CSMD1: variants seen among roughly 807,000 people sequenced by gnomAD.
CSMD1 encodes CUB and sushi domain-containing protein 1.
In CSMD1, 213 loss-of-function variants were observed where a neutral mutation model predicts 417.5. The ratio of observed to expected loss-of-function variants is 0.51; its 90% CI spans 0.46 to 0.57. The LOEUF (loss-of-function observed/expected upper bound fraction) is 0.57. Ranked by LOEUF, CSMD1 falls within the 20% of genes least tolerant of loss-of-function variation. The pLI is 0.00. For synonymous variants in CSMD1, 2,862 were observed against 1,736.8 expected (o/e 1.65, Z -16.11); for missense variants, 6,923 against 4,529.7 (o/e 1.53, Z -15.17).
At chr8:3,915,764 T>G (rs915162548) in intron 5 of CSMD1, among the ~76,000 whole-genome samples, 3 of 149,930 alleles carry the variant, frequency 2.0e-5, no homozygotes, top group Non-Finnish European at 4.4e-5. Flanking sequence ...CGCTTTCCAT[T>G]GCATCTGTTC....
intron 4 of CSMD1, among the ~76,000 whole-genome samples, chr8:4,018,920 A>C (rs921541226): frequency 6.6e-6 from 1 of 152,226 alleles, no homozygotes; most frequent in African/African-American, 2.4e-5. Context: ...ATGAAAGTTA[A>C]TAACAAGAAC....
chr8:4,622,454 C>A (rs527287687), intron 2 of CSMD1, among the ~76,000 whole-genome samples: 1 of 152,172 alleles, frequency 6.6e-6, no homozygotes, highest in South Asian at 2.1e-4. Flanking sequence ...TCACTGGATA[C>A]CCTGCACAAT....
chr8:3,050,811 G>C (rs1052877519), intron 50 of CSMD1, among the ~76,000 whole-genome samples: 1 of 152,146 alleles, frequency 6.6e-6, no homozygotes, highest in Non-Finnish European at 1.5e-5. Context: ...ATATAAGTTA[G>C]TTTAAAATTT....
At chr8:4,857,100 G>T (rs1263539372) in intron 1 of CSMD1, among the ~76,000 whole-genome samples, 1 of 150,266 alleles carries the variant, frequency 6.7e-6, no homozygotes, top group African/African-American at 2.5e-5. Flanking sequence ...CTAGAATTCA[G>T]GATTAAGAAT....
At chr8:4,172,077 G>T (rs1797794270) in intron 3 of CSMD1, among the ~76,000 whole-genome samples, 1 of 151,860 alleles carries the variant, frequency 6.6e-6, no homozygotes, top group South Asian at 2.1e-4. Context: ...CTTTCTCAGG[G>T]GAAGGCGTAT....
At chr8:3,433,311 T>G (rs1297913329) in intron 12 of CSMD1, among the ~76,000 whole-genome samples, 2 of 152,238 alleles carry the variant, frequency 1.3e-5, no homozygotes, top group Non-Finnish European at 2.9e-5. Flanking sequence ...TTTGATTTCC[T>G]TGACAGGGAC....
intron 3 of CSMD1, among the ~76,000 whole-genome samples, chr8:4,157,635 C>A (rs963432809): frequency 6.6e-6 from 1 of 152,198 alleles, no homozygotes; most frequent in Non-Finnish European, 1.5e-5. Context: ...ATTTTCAGAA[C>A]AGCTCAGACC....
intron 1 of CSMD1, among the ~76,000 whole-genome samples, chr8:4,757,737 T>A (rs1233736010): frequency 6.6e-6 from 1 of 151,968 alleles, no homozygotes; most frequent in Non-Finnish European, 1.5e-5. Context: ...GGCAAGCAGA[T>A]CACTTGAGGC....
chr8:4,088,931 G>C (rs531345724), intron 3 of CSMD1, among the ~76,000 whole-genome samples: 54 of 152,236 alleles, frequency 3.5e-4, no homozygotes, highest in African/African-American at 1.2e-3. Flanking sequence ...GCACTCCCCT[G>C]CCAAGGTCTT....
chr8:3,175,327 T>A (rs561160613), intron 37 of CSMD1, among the ~76,000 whole-genome samples: 2 of 152,312 alleles, frequency 1.3e-5, no homozygotes, highest in African/African-American at 4.8e-5. Context: ...TAACCACAAA[T>A]CACTGATTCA....
chr8:3,361,425 G>C (rs1402737042), intron 20 of CSMD1, among the ~76,000 whole-genome samples: 2 of 151,838 alleles, frequency 1.3e-5, no homozygotes, highest in South Asian at 4.1e-4. Flanking sequence ...TCAGGAGTTT[G>C]AGACCAGACT....
chr8:4,190,279 G>C (rs1647310), intron 3 of CSMD1, among the ~76,000 whole-genome samples: 21,084 of 141,984 alleles, frequency 0.15, 1,712 homozygotes, highest in Middle Eastern at 0.24. Context: ...AAAAAAAGCA[G>C]AGACTCTGGG....
At position 3,219,361 on chromosome 8, in the gene CSMD1, C is replaced by G; in HGVS notation, c.4566G>C (p.Gln1522His). 1 of 1,572,558 alleles carries G rather than the reference C, an allele frequency of 6.4e-7. No homozygotes were observed. The highest frequency in any genetic ancestry group is 8.6e-7 in the Non-Finnish European group (1 of 1,158,058). The change falls in exon 29 of 70, where the codon CAG becomes CAC. Residue 1522 changes from glutamine to histidine, a missense_variant. Physicochemically the swap from Gln to His is conservative, Grantham distance 24. Transcript: ENST00000635120. Reference protein sequence around the residue: ...DSNSPLIGSYQGSQAPERIES... With the variant: ...DSNSPLIGSYHGSQAPERIES... ...CTATTCTTTCTGGGGCCTGAGAGCC[C>G]TGGTAACTCCCAATGAGGGGGCTGT...
chr8:3,104,282 T>C (rs1050246554), intron 46 of CSMD1, among the ~76,000 whole-genome samples: 46 of 152,194 alleles, frequency 3.0e-4, no homozygotes, highest in Admixed American at 1.1e-3. Context: ...AAATAGACCA[T>C]TGTTGCTCCT....
chr8:4,092,929 A>C (rs1800796144), intron 3 of CSMD1, among the ~76,000 whole-genome samples: 1 of 152,130 alleles, frequency 6.6e-6, no homozygotes, highest in South Asian at 2.1e-4. Flanking sequence ...TATTTCTCTG[A>C]ATCCTTTATT....
At chr8:4,320,433 C>T (rs559051358) in intron 3 of CSMD1, among the ~76,000 whole-genome samples, 23 of 152,098 alleles carry the variant, frequency 1.5e-4, no homozygotes, top group African/African-American at 4.8e-4. Context: ...TAGGTAGACA[C>T]GTGCCATGAT....
intron 3 of CSMD1, among the ~76,000 whole-genome samples, chr8:4,213,647 T>G (rs1010420650): frequency 2.6e-5 from 4 of 152,230 alleles, no homozygotes; most frequent in African/African-American, 9.6e-5. Context: ...AGTAGGGTGA[T>G]TGTTGCTCAG....
intron 3 of CSMD1, among the ~76,000 whole-genome samples, chr8:4,407,621 T>C (rs1350484922): frequency 6.6e-6 from 1 of 152,218 alleles, no homozygotes; most frequent in Non-Finnish European, 1.5e-5. Context: ...TTAAATATAT[T>C]GGAATTCATT....
intron 2 of CSMD1, among the ~76,000 whole-genome samples, chr8:4,497,475 T>G (rs909038015): frequency 6.6e-6 from 1 of 152,210 alleles, no homozygotes; most frequent in African/African-American, 2.4e-5. Context: ...TGTTTCACAG[T>G]TATAACCTGT....
Sources: gnomAD v4.1 joint callset for allele counts (sites outside exome capture counted in the v4.1 genomes callset) on GRCh38, gnomAD v4.1.1 for gene constraint, MANE v1.5 for transcripts, NCBI Gene and HGNC (gene_info 2026-07-23, HGNC 2026-07-21) for gene names.